RASAL2: variants seen among roughly 807,000 people sequenced by gnomAD.
RASAL2 encodes ras GTPase-activating protein nGAP.
A neutral mutation model predicts 128.9 loss-of-function variants in RASAL2; 58 were observed. The ratio of observed to expected loss-of-function variants is 0.45; its 90% confidence interval spans 0.36 to 0.56. The LOEUF (loss-of-function observed/expected upper bound fraction) is 0.56, where lower values mean the gene tolerates loss of function less well. RASAL2 is among the 20% of genes least tolerant of loss of function. The pLI is 0.00. For synonymous variants in RASAL2, 561 were observed against 580.8 expected, an observed-to-expected ratio of 0.97 and a Z score of 0.49; for missense variants, 1,360 against 1,601.6, an observed-to-expected ratio of 0.85 and a Z score of 2.57.
intron 1 of RASAL2, among the ~76,000 whole-genome samples, chr1:178,141,189 T>TTTTC (rs1172975850): frequency 1.7e-5 from 2 of 116,254 alleles, no homozygotes; most frequent in African/African-American, 6.1e-5. Flanking sequence ...TTTTCTTTTC[T>TTTTC]TTTCTTTTTT....
intron 1 of RASAL2, among the ~76,000 whole-genome samples, chr1:178,105,446 A>C (rs10494510): frequency 6.6e-6 from 1 of 152,032 alleles, no homozygotes; most frequent in Non-Finnish European, 1.5e-5. Flanking sequence ...CAATGACTTA[A>C]AGTAGTTTGA....
intron 4 of RASAL2, among the ~76,000 whole-genome samples, chr1:178,404,306 A>G (rs1047768916): frequency 2.0e-5 from 3 of 152,134 alleles, no homozygotes; most frequent in African/African-American, 7.2e-5. Context: ...GTGAAGAGGT[A>G]ATAGGTAAAA....
chr1:178,384,249 T>C (rs186146868), intron 3 of RASAL2, among the ~76,000 whole-genome samples: 2 of 152,332 alleles, frequency 1.3e-5, no homozygotes, highest in Admixed American at 1.3e-4. Flanking sequence ...TGTAATATTT[T>C]TCTGTTCTAT....
intron 17 of RASAL2, among the ~76,000 whole-genome samples, chr1:178,469,493 G>A (rs936645107): frequency 3.3e-5 from 5 of 152,126 alleles, no homozygotes; most frequent in African/African-American, 9.7e-5. Context: ...GCCAGGGAGG[G>A]AATCTGATTT....
chr1:178,441,029 C>T (rs1676610618), intron 6 of RASAL2, among the ~76,000 whole-genome samples: 1 of 152,132 alleles, frequency 6.6e-6, no homozygotes, highest in African/African-American at 2.4e-5. Flanking sequence ...TTTGATTTTT[C>T]TGAACCATAG....
At chr1:178,256,427 T>C (rs1253073173) in intron 1 of RASAL2, among the ~76,000 whole-genome samples, 2 of 152,204 alleles carry the variant, frequency 1.3e-5, no homozygotes, top group African/African-American at 4.8e-5. Flanking sequence ...TTCCTCCTAA[T>C]GTGAAAAAGA....
intron 1 of RASAL2, among the ~76,000 whole-genome samples, chr1:178,188,793 A>G (rs1162432809): frequency 6.6e-6 from 1 of 152,156 alleles, no homozygotes; most frequent in Non-Finnish European, 1.5e-5. Context: ...TTATTTACAG[A>G]TATCTGTATA....
chr1:178,174,867 T>G (rs540508719), intron 1 of RASAL2, among the ~76,000 whole-genome samples: 1 of 152,158 alleles, frequency 6.6e-6, no homozygotes, highest in African/African-American at 2.4e-5. Context: ...CCTTGCCAGA[T>G]TGCAGCTTGT....
In RASAL2 at chr1:178,183,574, T is replaced by A. The variant is rs919813385; in HGVS notation, c.202+88880T>A. Among the ~76,000 whole-genome samples, 55 of 152,350 alleles carry A rather than the reference T, an allele frequency of 3.6e-4. 1 individual carries two copies. Among genetic ancestry groups the A allele is most frequent in the Admixed American group, 3.3e-3 (50 of 15,308 alleles). ...TTGCCTTTTCTGGAATATCATATTG[T>A]TAAAATCATAGAGTATGTAGACTTC... On this transcript the variant is annotated intron_variant, in intron 1 of 17. Transcript: ENST00000367649.
chr1:178,248,014 G>T (rs1248692365), intron 1 of RASAL2, among the ~76,000 whole-genome samples: 1 of 152,184 alleles, frequency 6.6e-6, no homozygotes, highest in Non-Finnish European at 1.5e-5. Context: ...TAGAATAAGT[G>T]CTGTGTAGTG....
chr1:178,443,080 C>T lies in RASAL2; in HGVS notation c.1333C>T (p.Pro445Ser), dbSNP rs761553954. 6.8e-6 allele frequency: 11 copies of T among 1,613,862 alleles called. No homozygotes were observed. Among genetic ancestry groups the T allele is most frequent in the Non-Finnish European group, 9.3e-6 (11 of 1,179,956 alleles). ...KSRFQTITILPMEQYKEFAEF... is the reference protein window; with the variant it reads ...KSRFQTITILSMEQYKEFAEF... ...ACGTTTCCAAACTATCACCATTCTG[C>T]CTATGGAGCAATACAAAGAATTTGC... The change falls in exon 8 of 18, where the codon CCT becomes TCT. Residue 445 changes from proline (P) to serine (S), a missense_variant. Coordinates refer to ENST00000367649, the MANE Select transcript of RASAL2 (RefSeq NM_170692.4).
intron 3 of RASAL2, among the ~76,000 whole-genome samples, chr1:178,354,833 C>T (rs931400841): frequency 1.3e-5 from 2 of 152,152 alleles, no homozygotes; most frequent in African/African-American, 2.4e-5. Flanking sequence ...ATATATACTA[C>T]GTTTCTGGAG....
chr1:178,441,128 A>T (rs1676618952), intron 6 of RASAL2, among the ~76,000 whole-genome samples: 1 of 140,254 alleles, frequency 7.1e-6, no homozygotes, highest in African/African-American at 2.7e-5. Context: ...CAAAAAGCAG[A>T]TGTAGATGTA....
intron 1 of RASAL2, among the ~76,000 whole-genome samples, chr1:178,172,036 A>C (rs1661722865): frequency 1.3e-5 from 2 of 151,216 alleles, no homozygotes; most frequent in Admixed American, 6.6e-5. Context: ...TCATTCATTG[A>C]TAGTCCTTTT....
intron 2 of RASAL2, among the ~76,000 whole-genome samples, chr1:178,299,479 C>T (rs1361435087): frequency 1.3e-5 from 2 of 151,998 alleles, no homozygotes; most frequent in African/African-American, 4.8e-5. Context: ...ACATGCCCAC[C>T]TTTCCTGATG....
At chr1:178,266,751 T>G (rs1344923271) in intron 1 of RASAL2, among the ~76,000 whole-genome samples, 2 of 152,170 alleles carry the variant, frequency 1.3e-5, no homozygotes, top group Non-Finnish European at 2.9e-5. Context: ...TGCATAGGGC[T>G]CAGGGGATTG....
At chr1:178,467,482 T>G in intron 17 of RASAL2, 61 bp downstream of exon 17, 1 of 1,455,384 alleles carries the variant, frequency 6.9e-7, no homozygotes, top group East Asian at 2.3e-5. Context: ...TTTCCTGACT[T>G]CACACCCTTG....
intron 1 of RASAL2, among the ~76,000 whole-genome samples, chr1:178,110,519 GTATATATATGCTATATATACTATA>G: frequency 7.2e-6 from 1 of 139,388 alleles, no homozygotes. Flanking sequence ...CATATATAGT[GTATATATATGCTATATATACTATA>G]TATACAGTGT....
intron 3 of RASAL2, among the ~76,000 whole-genome samples, chr1:178,338,123 A>ATTAT (rs879555027): frequency 1.1e-4 from 17 of 150,890 alleles, no homozygotes; most frequent in Admixed American, 3.3e-4. Context: ...ATTTTTTTTT[A>ATTAT]TTATTTATTT....
Sources: allele counts gnomAD v4.1 joint callset (sites outside exome capture counted in the v4.1 genomes callset), GRCh38; gene constraint gnomAD v4.1.1; transcripts MANE v1.5; gene names NCBI Gene and HGNC (gene_info 2026-07-23, HGNC 2026-07-21).